Variants in ACTN1 observed in about 807,000 individuals in gnomAD.
ACTN1 encodes actinin alpha 1.
Under a neutral mutation model 119.6 loss-of-function variants are expected in ACTN1, and 30 were observed. That is an observed-to-expected ratio of 0.25 (90% CI 0.19 to 0.34). The LOEUF is 0.34. Among genes scored for constraint, ACTN1 ranks in the 10% least tolerant of loss-of-function variants. The pLI is 1.00. For missense variants in ACTN1, 764 were observed against 1,223.4 expected (o/e 0.62, Z 5.60); for synonymous variants, 429 against 472.6 (o/e 0.91, Z 1.20).
intron 1 of ACTN1, among the ~76,000 whole-genome samples, chr14:68,969,949 C>T (rs2036828600): frequency 6.6e-6 from 1 of 152,144 alleles, no homozygotes; most frequent in Admixed American, 6.5e-5. Flanking sequence ...AGTTGCCTCC[C>T]CTCCCGTCAT....
At chr14:68,913,130 AG>A (rs1566630446) in intron 3 of ACTN1, among the ~76,000 whole-genome samples, 1 of 152,264 alleles carries the variant, frequency 6.6e-6, no homozygotes, top group African/African-American at 2.4e-5. Context: ...TAGTCTAAGC[AG>A]CACCTTTTAG....
rs2036176634 is a variant in ACTN1 at position 68,951,705 on chromosome 14, G to C, written c.106-26033C>G. ...ACTGAGGAAGGCCTGGAGAAGACTG[G>C]ACGTGGTCTTGGAACAGGGAGAGCT... On this transcript the variant is annotated intron_variant, in intron 1 of 21. Coordinates refer to ENST00000394419, the MANE Select transcript of ACTN1 (RefSeq NM_001130004.2). Among the ~76,000 whole-genome samples the C allele has an allele frequency of 1.3e-5, 2 of 152,224 alleles. 1 individual carries two copies. The highest frequency in any genetic ancestry group is 4.1e-4 in the South Asian group (2 of 4,832).
rs576653779 is a variant in ACTN1, at chr14:68,879,503, A to G, written c.2281-434T>C. Among the ~76,000 whole-genome samples, 2 of 152,162 alleles carry G rather than the reference A, an allele frequency of 1.3e-5. No homozygotes were observed. The highest frequency in any genetic ancestry group is 6.5e-5 in the Admixed American group (1 of 15,290). On this transcript the variant is annotated intron_variant, in intron 18 of 21. Coordinates refer to ENST00000394419, the MANE Select transcript of ACTN1 (RefSeq NM_001130004.2). This position sits in a 1 kb window ranked among gnomAD's most constrained non-coding sequence, Gnocchi z 4.9. ...GGGCACTGGGAAGGGGCAGCCCACTAAAACCCAGCCTGACCCAGAGCTGGG... is the reference window on the plus strand; with the variant it reads ...GGGCACTGGGAAGGGGCAGCCCACTGAAACCCAGCCTGACCCAGAGCTGGG...
In ACTN1 at chr14:68,909,484, CAG is replaced by C; in HGVS notation, c.516-90_516-89del. 8 of 1,199,064 alleles carry C rather than the reference CAG, an allele frequency of 6.7e-6. No homozygotes were observed. The South Asian group carries it at 1.0e-4, about 15-fold the overall frequency. 74.3% of individuals were successfully genotyped at this position (1,199,064 alleles called of 1,614,324 possible). A position where few individuals can be genotyped will look rare whatever the true frequency, so the allele number is the denominator to read the frequency against. The stretch of plus-strand genomic sequence containing the variant: ...GGCAAAGCAGGGGCCTCCTAGACAC[CAG>C]AGAGATGAACACATAGAGCTTTCTG... On this transcript the variant is annotated intron_variant, in intron 5 of 21. Coordinates refer to ENST00000394419, the MANE Select transcript of ACTN1 (RefSeq NM_001130004.2). The surrounding 1 kb of genome is among the most constrained non-coding windows in gnomAD (Gnocchi z 4.1).
Position 68,896,761 on chromosome 14 carries a change from G to A in ACTN1, c.763-3014C>T, listed in dbSNP as rs144610231. On this transcript the variant is annotated intron_variant, in intron 8 of 21. Transcript: ENST00000394419. ...TCCTGAAGAGGAGATGGGCTGCTCT[G>A]GCCCCAGCAAGAAGAACCAGGTGCC... Among the ~76,000 whole-genome samples the A allele has an allele frequency of 2.0e-3, 303 of 152,272 alleles. 2 individuals are homozygous for A. Among genetic ancestry groups the A allele is most frequent in the Middle Eastern group, 0.014 (4 of 294 alleles).
chr14:68,969,716 T>C (rs1226067310), intron 1 of ACTN1, among the ~76,000 whole-genome samples: 2 of 152,182 alleles, frequency 1.3e-5, no homozygotes, highest in South Asian at 2.1e-4. Context: ...AGACCCCATA[T>C]TGGGGGTGTC....
chr14:68,950,462 G>GTGTGTGTGTGTGTGTA, intron 1 of ACTN1, among the ~76,000 whole-genome samples: 2 of 125,910 alleles, frequency 1.6e-5, no homozygotes, highest in Non-Finnish European at 3.2e-5. Context: ...ATGCGTGTGT[G>GTGTGTGTGTGTGTGTA]TATATATATA....
intron 1 of ACTN1, chr14:68,936,645 T>TG: frequency 1.6e-6 from 1 of 610,590 alleles, no homozygotes; most frequent in Non-Finnish European, 3.1e-6. Flanking sequence ...GCAGAGCCCA[T>TG]GGGGGAAGAG....
At chr14:68,924,363 A>T (rs975764330) in intron 2 of ACTN1, among the ~76,000 whole-genome samples, 1 of 152,194 alleles carries the variant, frequency 6.6e-6, no homozygotes, top group African/African-American at 2.4e-5. Flanking sequence ...GCTTGTGCAA[A>T]GGCACAGGAA....
intron 1 of ACTN1, among the ~76,000 whole-genome samples, chr14:68,953,522 C>T (rs2036239953): frequency 6.6e-6 from 1 of 152,206 alleles, no homozygotes; most frequent in Admixed American, 6.5e-5. Flanking sequence ...CAGTGCACAA[C>T]ACACACTAAA....
At chr14:68,941,179 T>G (rs1175781922) in intron 1 of ACTN1, among the ~76,000 whole-genome samples, 5 of 152,146 alleles carry the variant, frequency 3.3e-5, no homozygotes, top group African/African-American at 1.2e-4. Context: ...TCACAGTGAC[T>G]GGCCCAATGA....
At position 68,971,265 on chromosome 14, in the gene ACTN1, T is replaced by G. The variant is rs72718203; in HGVS notation, c.105+7687A>C. ...GACATGTGGAGGTACTCCAAACCAT[T>G]CAGCATTTAATCAGTGTGAACTATT... On this transcript the variant is annotated intron_variant, in intron 1 of 21. Transcript: ENST00000394419. Among the ~76,000 whole-genome samples the G allele has an allele frequency of 6.7e-3, 1,021 of 152,360 alleles. 4 individuals carry two copies. The highest frequency in any genetic ancestry group is 0.011 in the Non-Finnish European group (767 of 68,034).
chr14:68,979,202 G>T lies in ACTN1; in HGVS notation c.-146C>A. On this transcript the variant is annotated 5_prime_UTR_variant, in exon 1 of 22. Transcript: ENST00000394419. Reference sequence around the variant, plus strand: ...GCTCCCCTGCGCCCGGTTCCGCCGCGGCGCTGCTGGCGAAGGCTGCTACTG... The same window carrying T: ...GCTCCCCTGCGCCCGGTTCCGCCGCTGCGCTGCTGGCGAAGGCTGCTACTG... The T allele has an allele frequency of 2.0e-6, 1 of 501,048 alleles. No individual in the cohort carries two copies. The highest frequency in any genetic ancestry group is 3.1e-5 in the South Asian group (1 of 32,304). 31.0% of individuals were successfully genotyped at this position (501,048 alleles called of 1,614,324 possible).
At chr14:68,893,582 A>AAGACTT in intron 9 of ACTN1, 73 bp downstream of exon 9, 1 of 1,388,986 alleles carries the variant, frequency 7.2e-7, no homozygotes, top group South Asian at 1.2e-5. Flanking sequence ...GCTCCAAGGA[A>AAGACTT]AGACTTGGAG....
intron 6 of ACTN1, among the ~76,000 whole-genome samples, chr14:68,907,866 A>T (rs2033761564): frequency 6.6e-6 from 1 of 152,192 alleles, no homozygotes; most frequent in Non-Finnish European, 1.5e-5. Context: ...AGGGACAGAG[A>T]TAGGTGCACA....
At chr14:68,897,057 A>G (rs2032931655) in intron 8 of ACTN1, among the ~76,000 whole-genome samples, 2 of 152,184 alleles carry the variant, frequency 1.3e-5, no homozygotes, top group Admixed American at 1.3e-4. Context: ...ATCTCGGCTC[A>G]CTGCAACCTC....
intron 11 of ACTN1, among the ~76,000 whole-genome samples, chr14:68,889,534 C>A (rs1385454744): frequency 6.6e-6 from 1 of 151,980 alleles, no homozygotes; most frequent in Non-Finnish European, 1.5e-5. Context: ...GTGGCTCACG[C>A]CTGTAATCCC....
chr14:68,891,558 T>C (rs1458924677), intron 10 of ACTN1, among the ~76,000 whole-genome samples: 4 of 152,240 alleles, frequency 2.6e-5, no homozygotes, highest in South Asian at 2.1e-4. Context: ...TTAAAGTTGA[T>C]ACTGGGTAGT....
In ACTN1 at chr14:68,925,531, C is replaced by T; in HGVS notation, c.220+27G>A. 2 of 1,588,172 alleles carry T rather than the reference C, an allele frequency of 1.3e-6. No homozygotes were observed. Among genetic ancestry groups the T allele is most frequent in the Non-Finnish European group, 1.7e-6 (2 of 1,160,376 alleles). ...GTCAGGCAGCACCAATAGACAGTAT[C>T]TCGTCCTGGGCCAGGTTCCGCCTCA... On this transcript the variant is annotated intron_variant, in intron 2 of 21. Transcript: ENST00000394419. The surrounding 1 kb of genome is among the most constrained non-coding windows in gnomAD (Gnocchi z 4.3).
Sources: gnomAD v4.1 joint callset for allele counts (sites outside exome capture counted in the v4.1 genomes callset) on GRCh38, gnomAD v4.1.1 for gene constraint, Gnocchi (gnomAD v3.1) non-coding constraint, MANE v1.5 for transcripts, NCBI Gene and HGNC (gene_info 2026-07-23, HGNC 2026-07-21) for gene names.